Variants in SHQ1 observed in about 807,000 individuals in gnomAD.
SHQ1 encodes the protein protein SHQ1 homolog.
In SHQ1, 49 loss-of-function variants were observed where a neutral mutation model predicts 53.8. That is an observed-to-expected ratio of 0.91 (90% CI 0.72 to 1.16). SHQ1 has a LOEUF of 1.16. Ranked by LOEUF, SHQ1 falls within the 50% of genes most tolerant of loss-of-function variation. SHQ1 has a pLI of 0.00. For missense variants in SHQ1, 738 were observed against 683.1 expected (o/e 1.08, Z -0.90); for synonymous variants, 243 against 251.0 (o/e 0.97, Z 0.30).
chr3:72,760,998 C>T (rs542964807), intron 10 of SHQ1, among the ~76,000 whole-genome samples: 3 of 152,206 alleles, frequency 2.0e-5, no homozygotes, highest in Admixed American at 1.3e-4. Flanking sequence ...GCTCTCAAGA[C>T]GATTCCAACG....
chr3:72,848,274 A>G lies in SHQ1; in HGVS notation c.67T>C (p.Tyr23His), dbSNP rs781534489. ...DFLTIAIRVP[Y>H]ARVSEFDVYF... ...ACGTCGAACTCGGAGACCCGGGCGT[A>G]GGGCACGCGGATGGCGATAGTCAGG... Residue 23 changes from tyrosine (Y) to histidine (H), a missense_variant, in exon 1 of 11, where the codon TAC (tyrosine) becomes CAC (histidine). Coordinates refer to ENST00000325599, the MANE Select transcript of SHQ1 (RefSeq NM_018130.3). The G allele has an allele frequency of 1.2e-6, 2 of 1,614,188 alleles. No homozygotes were observed. Among genetic ancestry groups the G allele is most frequent in the Non-Finnish European group, 1.7e-6 (2 of 1,180,028 alleles).
At chr3:72,745,393 G>A (rs562798673), downstream of SHQ1, among the ~76,000 whole-genome samples, 2 of 152,194 alleles carry the variant, frequency 1.3e-5, no homozygotes, top group South Asian at 4.1e-4. Context: ...CCTAAAACCT[G>A]GCCATGCCCA....
rs1486058599 is a variant in SHQ1 at position 72,848,315 on chromosome 3, C to A, written c.26G>T (p.Ser9Ile). 1.2e-6 allele frequency: 2 copies of A among 1,614,032 alleles called. No individual in the cohort carries two copies. The highest frequency in any genetic ancestry group is 1.3e-5 in the African/African-American group (1 of 74,920). The change falls in exon 1 of 11, where the codon AGC becomes ATC. Residue 9 changes from serine to isoleucine, a missense_variant. Ser to Ile is a moderately radical substitution (Grantham distance 142). Transcript: ENST00000325599. The part of the protein sequence containing the change: MLTPAFDL[S>I]QDPDFLTIAI... ...GATAGTCAGGAAGTCCGGATCCTGG[C>A]TGAGGTCGAACGCCGGGGTCAGCAT...
intron 4 of SHQ1, among the ~76,000 whole-genome samples, chr3:72,836,612 GC>G (rs1354456224): frequency 6.6e-6 from 1 of 152,128 alleles, no homozygotes; most frequent in Non-Finnish European, 1.5e-5. Context: ...AGCAGTGCAA[GC>G]CCCACCCAGG....
chr3:72,799,454 T>C (rs773952136), intron 9 of SHQ1, among the ~76,000 whole-genome samples: 2 of 152,200 alleles, frequency 1.3e-5, no homozygotes, highest in Non-Finnish European at 2.9e-5. Context: ...TCTGTCAAAT[T>C]AATCTAAATT....
rs1176389100 is a variant in SHQ1, at chr3:72,767,829, C to A, written c.1182-16993G>T. On this transcript the variant is annotated intron_variant, in intron 10 of 10. Transcript: ENST00000325599. ...CTCCATGGTTAGGTGGTTGCCAGAACCAAACCTGTTGGCTGCCTAGCATTT... is the reference window on the plus strand; with the variant it reads ...CTCCATGGTTAGGTGGTTGCCAGAAACAAACCTGTTGGCTGCCTAGCATTT... Among the ~76,000 whole-genome samples the A allele has an allele frequency of 2.6e-5, 4 of 152,208 alleles. No homozygotes were observed. The East Asian group carries it at 7.7e-4, about 29-fold the overall frequency.
chr3:72,743,970 A>C, the SHQ1 span, among the ~76,000 whole-genome samples: 2 of 152,216 alleles, frequency 1.3e-5, no homozygotes, highest in East Asian at 3.8e-4. Flanking sequence ...TTAAACATGC[A>C]AACTATCAGC....
the SHQ1 span, among the ~76,000 whole-genome samples, chr3:72,739,350 CG>C: frequency 6.6e-6 from 1 of 152,056 alleles, no homozygotes; most frequent in African/African-American, 2.4e-5. Flanking sequence ...CAAGGAAATC[CG>C]ACTGGAGGGA....
At chr3:72,735,710 GAGGAAGGAAGGAAGGAAGGA>G in the SHQ1 span, among the ~76,000 whole-genome samples, 1 of 102,590 alleles carries the variant, frequency 9.7e-6, no homozygotes, top group African/African-American at 3.7e-5. Context: ...GAGAGAGAGA[GAGGAAGGAAGGAAGGAAGGA>G]AGGAAGGAAG....
At chr3:72,837,384 T>C (rs1708033618) in intron 4 of SHQ1, among the ~76,000 whole-genome samples, 1 of 152,148 alleles carries the variant, frequency 6.6e-6, no homozygotes, top group Admixed American at 6.5e-5. Context: ...ATGAAAGACT[T>C]CTGTAAAGGG....
At chr3:72,768,250 G>A (rs1229460418) in intron 10 of SHQ1, among the ~76,000 whole-genome samples, 5 of 152,220 alleles carry the variant, frequency 3.3e-5, no homozygotes, top group Admixed American at 6.5e-5. Flanking sequence ...GAGAAGAGCT[G>A]CCTCTGCTAG....
At position 72,751,627 on chromosome 3, in the gene SHQ1, G is replaced by A. The variant is rs185677824; in HGVS notation, c.1182-791C>T. 1.7e-3 allele frequency among the ~76,000 whole-genome samples: 257 copies of A among 150,236 alleles called. 3 individuals carry two copies. The highest frequency in any genetic ancestry group is 3.1e-4 in the Non-Finnish European group (21 of 67,652). On this transcript the variant is annotated intron_variant, in intron 10 of 10. Transcript: ENST00000325599. ...GAAAAATGGACAGAAGATACAAGCAGACAATTTTCAAAAAAGGAAATATAA... is the reference window on the plus strand; with the variant it reads ...GAAAAATGGACAGAAGATACAAGCAAACAATTTTCAAAAAAGGAAATATAA...
chr3:72,781,573 G>A (rs1706074919), intron 10 of SHQ1, among the ~76,000 whole-genome samples: 1 of 152,054 alleles, frequency 6.6e-6, no homozygotes, highest in Admixed American at 6.6e-5. Context: ...AAATTACAGA[G>A]CAGAAAGAAG....
intron 9 of SHQ1, chr3:72,794,965 T>G (rs1014991079): frequency 3.9e-5 from 6 of 152,130 alleles, no homozygotes; most frequent in Admixed American, 3.9e-4. Flanking sequence ...GGCCACTGAG[T>G]TGAGGGACCA....
chr3:72,820,513 G>C (rs1170254007), intron 6 of SHQ1, among the ~76,000 whole-genome samples: 4 of 152,178 alleles, frequency 2.6e-5, no homozygotes, highest in Non-Finnish European at 4.4e-5. Context: ...CCAAAAGTCT[G>C]AGCTCCCTAA....
chr3:72,764,010 G>GAA (rs77924186), intron 10 of SHQ1, among the ~76,000 whole-genome samples: 1 of 140,416 alleles, frequency 7.1e-6, no homozygotes, highest in South Asian at 2.3e-4. Flanking sequence ...TTTACAAATG[G>GAA]AAAAAAAAAA....
chr3:72,747,876 G>C (rs1705282879), downstream of SHQ1, among the ~76,000 whole-genome samples: 1 of 152,084 alleles, frequency 6.6e-6, no homozygotes. Context: ...GTAATCCCAG[G>C]TGTTCGGGAG....
At chr3:72,742,616 TTTC>T in the SHQ1 span, among the ~76,000 whole-genome samples, 2 of 131,962 alleles carry the variant, frequency 1.5e-5, no homozygotes, top group Admixed American at 7.2e-5. Context: ...TTTTTCTTTT[TTTC>T]TTTTTTTTTT....
chr3:72,829,982 C>CTGTCAACATA (rs1707776279), intron 5 of SHQ1, among the ~76,000 whole-genome samples: 1 of 151,960 alleles, frequency 6.6e-6, no homozygotes, highest in African/African-American at 2.4e-5. Context: ...CTTCAAGATG[C>CTGTCAACATA]TGTCAACATA....
Sources: allele counts gnomAD v4.1 joint callset (sites outside exome capture counted in the v4.1 genomes callset), GRCh38; gene constraint gnomAD v4.1.1; transcripts MANE v1.5; gene names NCBI Gene and HGNC (gene_info 2026-07-23, HGNC 2026-07-21).